Variants in DGKG observed in about 807,000 individuals in gnomAD.
The protein encoded by DGKG is DAG kinase gamma.
Under a neutral mutation model 105.3 loss-of-function variants are expected in DGKG, and 78 were observed. The ratio of observed to expected loss-of-function variants is 0.74; its 90% CI spans 0.62 to 0.89. DGKG has a LOEUF of 0.89. Ranked by LOEUF, DGKG falls within the 40% of genes least tolerant of loss-of-function variation. DGKG has a pLI of 0.00. For synonymous variants in DGKG, 346 were observed against 367.1 expected, an observed-to-expected ratio of 0.94 and a Z score of 0.66; for missense variants, 958 against 1,020.1, an observed-to-expected ratio of 0.94 and a Z score of 0.83.
intron 16 of DGKG, among the ~76,000 whole-genome samples, chr3:186,259,327 G>A (rs954237272): frequency 6.6e-6 from 1 of 152,180 alleles, no homozygotes; most frequent in Non-Finnish European, 1.5e-5. Flanking sequence ...TGTCTGTGGG[G>A]GGCTGCTCCG....
chr3:186,158,870 T>A lies in DGKG; in HGVS notation c.2277+2733A>T, dbSNP rs189666483. On this transcript the variant is annotated intron_variant, in intron 24 of 24. Coordinates refer to ENST00000265022, the MANE Select transcript of DGKG (RefSeq NM_001346.3). ...TACTTTTTATCAAATAAAAAATGTG[T>A]TTACTTATTCTGCTTTATGCTTTAG... 5.0e-5 allele frequency: 47 copies of A among 947,792 alleles called. No homozygotes were observed. In the East Asian group the frequency reaches 2.9e-3, roughly 58 times the overall value. The allele number at this position is 947,792 out of a possible 1,614,324, so 58.7% of individuals were successfully genotyped here.
chr3:186,306,377 T>G (rs1724239532), intron 3 of DGKG, among the ~76,000 whole-genome samples: 1 of 148,950 alleles, frequency 6.7e-6, no homozygotes, highest in East Asian at 2.0e-4. Flanking sequence ...GAGACAGAGG[T>G]AGAGATATAG....
intron 1 of DGKG, among the ~76,000 whole-genome samples, chr3:186,347,260 A>G (rs1726386439): frequency 6.6e-6 from 1 of 151,862 alleles, no homozygotes; most frequent in Non-Finnish European, 1.5e-5. Context: ...CACTCTGGCT[A>G]ACACGGTGAA....
intron 21 of DGKG, among the ~76,000 whole-genome samples, chr3:186,195,754 G>C (rs1718149652): frequency 6.6e-6 from 1 of 152,094 alleles, no homozygotes; most frequent in Non-Finnish European, 1.5e-5. Context: ...TGCATCTCTG[G>C]GGTGTCTTTT....
intron 5 of DGKG, among the ~76,000 whole-genome samples, chr3:186,297,135 G>A (rs1723621642): frequency 6.7e-6 from 1 of 149,522 alleles, no homozygotes; most frequent in South Asian, 2.1e-4. Context: ...CACTTTTTCT[G>A]GGCAGGCAGA....
chr3:186,340,030 G>A (rs1726014757), intron 1 of DGKG, among the ~76,000 whole-genome samples: 1 of 152,206 alleles, frequency 6.6e-6, no homozygotes, highest in South Asian at 2.1e-4. Flanking sequence ...CTCCACAGAT[G>A]TTAATTCCCT....
chr3:186,238,846 T>C (rs1358632791), intron 20 of DGKG, among the ~76,000 whole-genome samples: 1 of 152,186 alleles, frequency 6.6e-6, no homozygotes. Flanking sequence ...GAACCCACTA[T>C]CTTCCCTGGC....
At chr3:186,156,527 T>A (rs537898529) in intron 24 of DGKG, among the ~76,000 whole-genome samples, 9 of 152,282 alleles carry the variant, frequency 5.9e-5, no homozygotes, top group African/African-American at 2.2e-4. Flanking sequence ...TATTTTAATA[T>A]CTTGCGAGAA....
intron 20 of DGKG, among the ~76,000 whole-genome samples, chr3:186,232,894 A>G (rs1720222751): frequency 6.6e-6 from 1 of 152,212 alleles, no homozygotes; most frequent in South Asian, 2.1e-4. Context: ...CATGGTTATT[A>G]TCTGATGTAG....
At chr3:186,205,727 C>T (rs991972075) in intron 21 of DGKG, among the ~76,000 whole-genome samples, 2 of 151,740 alleles carry the variant, frequency 1.3e-5, no homozygotes, top group African/African-American at 4.8e-5. Context: ...ACCAAAACAA[C>T]AACCACAACA....
intron 20 of DGKG, among the ~76,000 whole-genome samples, chr3:186,228,733 T>C (rs1335157618): frequency 1.3e-5 from 2 of 152,228 alleles, no homozygotes; most frequent in African/African-American, 4.8e-5. Context: ...CCAGCGCTCA[T>C]GCAAATGTTA....
intron 1 of DGKG, among the ~76,000 whole-genome samples, chr3:186,353,760 G>T (rs1194438840): frequency 6.6e-6 from 1 of 151,610 alleles, no homozygotes; most frequent in African/African-American, 2.4e-5. Context: ...CCTATCCCAA[G>T]AAATGAGTCC....
intron 21 of DGKG, among the ~76,000 whole-genome samples, chr3:186,193,594 C>T (rs1233708474): frequency 6.6e-6 from 1 of 152,244 alleles, no homozygotes; most frequent in Non-Finnish European, 1.5e-5. Context: ...TTCCTGGCCT[C>T]GCGATCGTGC....
intron 1 of DGKG, among the ~76,000 whole-genome samples, chr3:186,334,033 C>T (rs1413458867): frequency 6.6e-6 from 1 of 152,074 alleles, no homozygotes; most frequent in Non-Finnish European, 1.5e-5. Context: ...TTCTCCCTCC[C>T]CTCTCTCTTC....
At chr3:186,167,984 T>G (rs1716633987) in intron 22 of DGKG, among the ~76,000 whole-genome samples, 1 of 152,148 alleles carries the variant, frequency 6.6e-6, no homozygotes, top group Admixed American at 6.5e-5. Context: ...TGGGGCAAAG[T>G]ACAGAAGGCA....
chr3:186,161,283 T>G, intron 24 of DGKG: 1 of 1,103,874 alleles, frequency 9.1e-7, no homozygotes, highest in Non-Finnish European at 1.1e-6. Context: ...GCCATTGACA[T>G]GATTCAAGCT....
At chr3:186,183,854 G>A (rs768781230) in intron 22 of DGKG, among the ~76,000 whole-genome samples, 9 of 152,068 alleles carry the variant, frequency 5.9e-5, no homozygotes, top group Non-Finnish European at 1.0e-4. Flanking sequence ...ACTGGCATGC[G>A]CCACCACACC....
chr3:186,149,169 T>A lies in DGKG; in HGVS notation c.*921A>T, dbSNP rs2108464335. ...ATCTTTTCTGCCTTCAGGAATAGTC[T>A]GCCACCAGGGCTTGGAACTCAAACA... On this transcript the variant is annotated 3_prime_UTR_variant, in exon 25 of 25. Coordinates refer to ENST00000265022, the MANE Select transcript of DGKG (RefSeq NM_001346.3). 2 of 984,838 alleles carry A rather than the reference T, an allele frequency of 2.0e-6. No homozygotes were observed. The highest frequency in any genetic ancestry group is 9.4e-5 in the South Asian group (2 of 21,262). 61.0% of individuals were successfully genotyped at this position (984,838 alleles called of 1,614,324 possible).
At chr3:186,343,999 T>A (rs1406114463) in intron 1 of DGKG, among the ~76,000 whole-genome samples, 1 of 152,192 alleles carries the variant, frequency 6.6e-6, no homozygotes, top group Non-Finnish European at 1.5e-5. Flanking sequence ...ATCTTTAAAA[T>A]CCATCTCTTG....
Sources: gnomAD v4.1 joint callset for allele counts (sites outside exome capture counted in the v4.1 genomes callset) on GRCh38, gnomAD v4.1.1 for gene constraint, MANE v1.5 for transcripts, NCBI Gene and HGNC (gene_info 2026-07-23, HGNC 2026-07-21) for gene names.